Variants in BPTF observed in about 807,000 individuals in gnomAD.
BPTF encodes nucleosome-remodeling factor subunit BPTF.
A neutral mutation model predicts 292.5 loss-of-function variants in BPTF; 18 were observed. The ratio of observed to expected loss-of-function variants is 0.06; its 90% CI spans 0.04 to 0.09. The LOEUF (loss-of-function observed/expected upper bound fraction) is 0.09, where lower values mean the gene tolerates loss of function less well. Ranked by LOEUF, BPTF falls within the 10% of genes least tolerant of loss-of-function variation. The pLI is 1.00. For synonymous variants in BPTF, 1,225 were observed against 1,251.9 expected, an observed-to-expected ratio of 0.98 and a Z score of 0.45; for missense variants, 2,726 against 3,498.7, an observed-to-expected ratio of 0.78 and a Z score of 5.57.
intron 17 of BPTF, 72 bp downstream of exon 17, chr17:67,929,559 CAAGA>C: frequency 6.7e-7 from 1 of 1,498,572 alleles, no homozygotes; most frequent in Admixed American, 2.1e-5. Context: ...TGACTTCTTC[CAAGA>C]TTAATCCAAC....
At chr17:67,850,389 C>A (rs1325243869) in intron 1 of BPTF, among the ~76,000 whole-genome samples, 2 of 151,990 alleles carry the variant, frequency 1.3e-5, no homozygotes, top group Non-Finnish European at 2.9e-5. Flanking sequence ...TGTTTGTTTT[C>A]TGAGACAGAG....
intron 4 of BPTF, among the ~76,000 whole-genome samples, chr17:67,882,380 T>C (rs2060479571): frequency 6.6e-6 from 1 of 152,220 alleles, no homozygotes; most frequent in Admixed American, 6.5e-5. Flanking sequence ...TCAGTTTACA[T>C]TGACATTTCA....
At chr17:67,953,051 C>A (rs1598880763) in intron 23 of BPTF, among the ~76,000 whole-genome samples, 1 of 151,808 alleles carries the variant, frequency 6.6e-6, no homozygotes, top group African/African-American at 2.4e-5. Context: ...AGCTCCGTCT[C>A]CCCGGGTTCA....
chr17:67,962,672 G>A (rs1305098695), intron 24 of BPTF, among the ~76,000 whole-genome samples: 1 of 152,190 alleles, frequency 6.6e-6, no homozygotes, highest in Non-Finnish European at 1.5e-5. Context: ...ACTGGCCCGT[G>A]CCATATTCCA....
intron 4 of BPTF, among the ~76,000 whole-genome samples, chr17:67,883,664 G>T (rs533863218): frequency 6.6e-6 from 1 of 151,928 alleles, no homozygotes; most frequent in African/African-American, 2.4e-5. Flanking sequence ...CAGTGGCACG[G>T]TCTTGGCTCA....
At chr17:67,977,312 C>G (rs1470351758) in intron 27 of BPTF, among the ~76,000 whole-genome samples, 8 of 151,560 alleles carry the variant, frequency 5.3e-5, no homozygotes, top group Non-Finnish European at 1.2e-4. Flanking sequence ...GTCAGCAGTT[C>G]AAGACCATCC....
chr17:67,825,810 C>G lies in BPTF; in HGVS notation c.86C>G (p.Pro29Arg). 1 of 1,026,316 alleles carries G rather than the reference C, an allele frequency of 9.7e-7. No homozygotes were observed. Among genetic ancestry groups the G allele is most frequent in the Non-Finnish European group, 1.2e-6 (1 of 858,758 alleles). The allele number at this position is 1,026,316 out of a possible 1,614,324, so 63.6% of individuals were successfully genotyped here. A position where few individuals can be genotyped will look rare whatever the true frequency, so the allele number is the denominator to read the frequency against. Residue 29 changes from proline to arginine, a missense_variant, in exon 1 of 28, where the codon CCG becomes CGG. By Grantham distance (103) the Pro-to-Arg change is moderately radical. This residue lies in a region of BPTF where 31 missense variants were observed against 53.6 expected (regional missense o/e 0.58). Transcript: ENST00000306378. ...RCAPAPPPPP[P>R]PPTSGPIGGL... ...GCCCCGGCCCCGCCGCCACCGCCGC[C>G]GCCGCCCACGTCCGGACCCATCGGG... is the stretch of plus-strand genomic sequence containing the variant.
intron 15 of BPTF, among the ~76,000 whole-genome samples, chr17:67,925,992 CTTTTTTTTTTTTTT>C (rs60083535): frequency 0.049 from 2,782 of 56,808 alleles, 108 homozygotes; most frequent in African/African-American, 0.16. Flanking sequence ...TAACATATTA[CTTTTTTTTTTTTTT>C]TTTTTTTTTT....
intron 1 of BPTF, among the ~76,000 whole-genome samples, chr17:67,848,171 C>CTT (rs11367624): frequency 1.4e-5 from 2 of 146,886 alleles, no homozygotes; most frequent in Non-Finnish European, 3.0e-5. Context: ...ACTGTAAATT[C>CTT]TTTTTTTTTT....
At chr17:67,834,057 C>CG (rs577100293) in intron 1 of BPTF, among the ~76,000 whole-genome samples, 151 of 152,226 alleles carry the variant, frequency 9.9e-4, no homozygotes, top group African/African-American at 3.4e-3. Context: ...TTGTAGTTCT[C>CG]ACACACCTAA....
chr17:67,886,520 T>C (rs924975772), intron 4 of BPTF, among the ~76,000 whole-genome samples: 8 of 152,072 alleles, frequency 5.3e-5, no homozygotes, highest in Admixed American at 5.2e-4. Context: ...GCACTCAATG[T>C]TTTTGTTTTC....
chr17:67,931,828 G>A, intron 17 of BPTF, 83 bp from the exon 18 acceptor site: 1 of 954,478 alleles, frequency 1.0e-6, no homozygotes, highest in African/African-American at 1.7e-5. Context: ...AATATAGAAT[G>A]TTTAAAGATC....
At chr17:67,941,054 C>T (rs1555671758) in intron 19 of BPTF, among the ~76,000 whole-genome samples, 1 of 152,216 alleles carries the variant, frequency 6.6e-6, no homozygotes, top group Non-Finnish European at 1.5e-5. Context: ...AGTGAAACTT[C>T]ACAAGCTGAT....
At chr17:67,860,720 G>A (rs2059023243) in intron 2 of BPTF, among the ~76,000 whole-genome samples, 1 of 152,168 alleles carries the variant, frequency 6.6e-6, no homozygotes, top group African/African-American at 2.4e-5. Flanking sequence ...CGTGAACACA[G>A]CATTATATTT....
chr17:67,840,989 T>G (rs566729589), intron 1 of BPTF, among the ~76,000 whole-genome samples: 2 of 152,332 alleles, frequency 1.3e-5, no homozygotes, highest in African/African-American at 4.8e-5. Flanking sequence ...AACAGTGTCT[T>G]TTTCCCAGAG....
chr17:67,914,606 C>CT (rs2062858567), intron 11 of BPTF, among the ~76,000 whole-genome samples: 1 of 152,174 alleles, frequency 6.6e-6, no homozygotes, highest in South Asian at 2.1e-4. Flanking sequence ...TGTACAAATA[C>CT]TTTAATTAAA....
chr17:67,967,619 G>A (rs983112350), intron 26 of BPTF, among the ~76,000 whole-genome samples: 22 of 151,888 alleles, frequency 1.4e-4, no homozygotes, highest in Non-Finnish European at 2.8e-4. Flanking sequence ...TCAGGAGTTC[G>A]AGACCAGCCT....
At chr17:67,964,804 C>T (rs539406373) in intron 25 of BPTF, among the ~76,000 whole-genome samples, 41 of 149,196 alleles carry the variant, frequency 2.7e-4, no homozygotes, top group African/African-American at 8.4e-4. Flanking sequence ...ATCAGACCAT[C>T]CTGGCTAACA....
intron 27 of BPTF, chr17:67,981,669 C>T (rs1201034358): frequency 4.0e-6 from 4 of 993,258 alleles, no homozygotes; most frequent in Non-Finnish European, 4.8e-6. Flanking sequence ...TATTTATCTG[C>T]TATTTCAATA....
Sources: allele counts gnomAD v4.1 joint callset (sites outside exome capture counted in the v4.1 genomes callset), GRCh38; gene constraint gnomAD v4.1.1; regional missense constraint gnomAD v4.1.1; transcripts MANE v1.5; gene names NCBI Gene and HGNC (gene_info 2026-07-23, HGNC 2026-07-21).